Variants in ASPHD1 observed in about 807,000 individuals in gnomAD.
ASPHD1 encodes aspartate beta-hydroxylase domain containing 1, also known as aspartate beta-hydroxylase domain-containing protein 1.
A neutral mutation model predicts 28.3 loss-of-function variants in ASPHD1; 20 were observed. The observed-to-expected ratio is 0.71, with a 90% CI of 0.50 to 1.03. The LOEUF is 1.03. Ranked by LOEUF, ASPHD1 falls within the 50% of genes least tolerant of loss-of-function variation. ASPHD1 has a pLI of 0.00. For missense variants in ASPHD1, 479 were observed against 524.1 expected, an observed-to-expected ratio of 0.91 and a Z score of 0.84; for synonymous variants, 240 against 221.2, an observed-to-expected ratio of 1.08 and a Z score of -0.75.
chr16:29,909,029 T>C (rs1257145194), downstream of ASPHD1, among the ~76,000 whole-genome samples: 1 of 150,732 alleles, frequency 6.6e-6, no homozygotes, highest in Non-Finnish European at 1.5e-5. Context: ...TCAGAGGATG[T>C]TTCTTGGAAG....
Position 29,901,784 on chromosome 16 carries a change from C to G in ASPHD1, c.813C>G (p.Ala271=), listed in dbSNP as rs1360695394. The part of the protein sequence containing the change: ...QPSNCRRCPG[A]YRALRGLRSF... Reference sequence around the variant, plus strand: ...GCAACTGCCGCCGGTGCCCGGGGGCCTATCGGGCACTGAGGGGGCTTCGAA... The same window carrying G: ...GCAACTGCCGCCGGTGCCCGGGGGCGTATCGGGCACTGAGGGGGCTTCGAA... The change falls in exon 1 of 3, where the codon GCC becomes GCG. Residue 271 remains alanine (A), a synonymous_variant. Coordinates refer to ENST00000308748, the MANE Select transcript of ASPHD1 (RefSeq NM_181718.4). The surrounding 1 kb of genome is among the most constrained non-coding windows in gnomAD (Gnocchi z 5.1). The G allele has an allele frequency of 6.4e-7, 1 of 1,557,658 alleles. No individual in the cohort carries two copies. Among genetic ancestry groups the G allele is most frequent in the African/African-American group, 1.4e-5 (1 of 72,746 alleles).
intron 3 of ASPHD1, among the ~76,000 whole-genome samples, chr16:29,912,696 T>C (rs1235810777): frequency 1.3e-5 from 2 of 152,220 alleles, no homozygotes; most frequent in African/African-American, 4.8e-5. Flanking sequence ...CGCCTCAGCC[T>C]CCCAAAGTGC....
At chr16:29,908,385 T>A (rs969048198), downstream of ASPHD1, among the ~76,000 whole-genome samples, 3 of 152,120 alleles carry the variant, frequency 2.0e-5, no homozygotes, top group Admixed American at 6.5e-5. Context: ...TTTTTATTTT[T>A]ATTTTTTATT....
At position 29,905,945 on chromosome 16, in the gene ASPHD1, A is replaced by C; in HGVS notation, c.*48A>C. ...CCCAGGCTGGAGAGACACTGCGCTC[A>C]GGGACGGCTTGATGGTAGCCAGGAC... On this transcript the variant is annotated 3_prime_UTR_variant, in exon 3 of 3. Transcript: ENST00000308748. 1 of 1,171,610 alleles carries C rather than the reference A, an allele frequency of 8.5e-7. No individual in the cohort carries two copies. Among genetic ancestry groups the C allele is most frequent in the Middle Eastern group, 2.3e-4 (1 of 4,332 alleles). 72.6% of individuals were successfully genotyped at this position (1,171,610 alleles called of 1,614,324 possible).
chr16:29,909,168 C>T (rs981279003), downstream of ASPHD1, among the ~76,000 whole-genome samples: 10 of 152,144 alleles, frequency 6.6e-5, no homozygotes, highest in Non-Finnish European at 1.2e-4. Flanking sequence ...ACTAACACCT[C>T]GCTGCTGATG....
At chr16:29,908,764 GT>G (rs2068656238), downstream of ASPHD1, among the ~76,000 whole-genome samples, 1 of 150,954 alleles carries the variant, frequency 6.6e-6, no homozygotes, top group Non-Finnish European at 1.5e-5. Context: ...GTGCAGTGGT[GT>G]GATCATGTAT....
chr16:29,907,182 C>G, downstream of ASPHD1: 5 of 1,034,942 alleles, frequency 4.8e-6, no homozygotes, highest in Non-Finnish European at 7.2e-6. Flanking sequence ...GCCTAGGGCC[C>G]CTGCACCAAC....
intron 1 of ASPHD1, among the ~76,000 whole-genome samples, chr16:29,904,164 G>A (rs2068578891): frequency 1.3e-5 from 2 of 150,172 alleles, no homozygotes; most frequent in African/African-American, 5.0e-5. Context: ...TAACGGGTCT[G>A]GCCAGGTGCA....
chr16:29,911,668 G>T, intron 3 of ASPHD1: 1 of 754,580 alleles, frequency 1.3e-6, no homozygotes, highest in Non-Finnish European at 2.2e-6. Flanking sequence ...TGCCTAGAGC[G>T]TCAGGGGTAA....
In ASPHD1 at chr16:29,901,182, T is replaced by G. The variant is rs2068539976; in HGVS notation, c.211T>G (p.Trp71Gly). 1 of 1,613,328 alleles carries G rather than the reference T, an allele frequency of 6.2e-7. No homozygotes were observed. The highest frequency in any genetic ancestry group is 1.3e-5 in the African/African-American group (1 of 74,878). ...CAGGGCCTCCCTGATCATGCTCCCG[T>G]GGCCACTACCCCTGGCCTCCTCGGC... ...LARASLIMLP[W>G]PLPLASSALT... Residue 71 changes from tryptophan to glycine, a missense_variant, in exon 1 of 3, where the codon TGG becomes GGG. Physicochemically the swap from Trp to Gly is radical, Grantham distance 184 (BLOSUM62 -2). Coordinates refer to ENST00000308748, the MANE Select transcript of ASPHD1 (RefSeq NM_181718.4). The surrounding 1 kb of genome is among the most constrained non-coding windows in gnomAD (Gnocchi z 5.1).
rs762641417 is a variant in ASPHD1, at chr16:29,901,411, G to A, written c.440G>A (p.Ser147Asn). ...GGACCTAGGACGGAAGGCCTAGTGA[G>A]CCGGCGGCTTCGGGCCTACGCAAGG... ...GEGPRTEGLV[S>N]RRLRAYARRY... is the part of the protein sequence containing the mutation. The change falls in exon 1 of 3, where the codon AGC becomes AAC. Residue 147 changes from serine (S) to asparagine (N), a missense_variant. Ser to Asn is a conservative substitution (Grantham distance 46). Coordinates refer to ENST00000308748, the MANE Select transcript of ASPHD1 (RefSeq NM_181718.4). The surrounding 1 kb of genome is among the most constrained non-coding windows in gnomAD (Gnocchi z 5.1). The A allele has an allele frequency of 1.3e-5, 21 of 1,590,962 alleles. No homozygotes were observed. The East Asian group carries it at 4.5e-4, about 34-fold the overall frequency.
intron 3 of ASPHD1, chr16:29,912,228 C>T: frequency 1.6e-6 from 1 of 629,768 alleles, no homozygotes; most frequent in Non-Finnish European, 2.8e-6. Flanking sequence ...GGGCCTTGGT[C>T]CCACGGACAC....
rs2068533887 is a variant in ASPHD1 at position 29,900,980 on chromosome 16, G to A, written c.9G>A (p.Glu3=). The change falls in exon 1 of 3, where the codon GAG becomes GAA. Residue 3 remains glutamate, a synonymous_variant. Transcript: ENST00000308748. MK[E]GRGSFSVERG... ...AGGAGGGTTGGAGGTGCATGAAGGA[G>A]GGGAGAGGGAGCTTCAGCGTGGAGA... 6.4e-7 allele frequency: 1 copy of A among 1,554,578 alleles called. No homozygotes were observed.
downstream of ASPHD1, chr16:29,907,166 C>T: frequency 8.0e-7 from 1 of 1,257,834 alleles, no homozygotes; most frequent in South Asian, 1.3e-5. Context: ...GCAGGGCCAT[C>T]CCCCTGCCTA....
intron 1 of ASPHD1, among the ~76,000 whole-genome samples, chr16:29,903,908 C>G (rs745795086): frequency 6.6e-6 from 1 of 152,088 alleles, no homozygotes; most frequent in Non-Finnish European, 1.5e-5. Flanking sequence ...AATCTTATAC[C>G]TCTCAGTGAG....
intron 1 of ASPHD1, among the ~76,000 whole-genome samples, chr16:29,904,009 G>A (rs533993257): frequency 8.5e-5 from 13 of 152,056 alleles, no homozygotes; most frequent in African/African-American, 3.1e-4. Context: ...CTCTTTTCTC[G>A]AAATGAGAGG....
At chr16:29,907,027 G>A, downstream of ASPHD1, 1 of 1,614,178 alleles carries the variant, frequency 6.2e-7, no homozygotes, top group Non-Finnish European at 8.5e-7. Context: ...GCCTCCAGGA[G>A]GGCTGGGTCT....
intron 1 of ASPHD1, among the ~76,000 whole-genome samples, chr16:29,903,467 C>T (rs1319782278): frequency 1.3e-5 from 2 of 151,922 alleles, no homozygotes; most frequent in East Asian, 2.0e-4. Flanking sequence ...CGTGAGCCAC[C>T]GCACCTGGCA....
rs1301069613 is a variant in ASPHD1 at position 29,905,952 on chromosome 16, G to A, written c.*55G>A. ...TGGAGAGACACTGCGCTCAGGGACG[G>A]CTTGATGGTAGCCAGGACCTCCTCT... is the stretch of plus-strand genomic sequence containing the variant. On this transcript the variant is annotated 3_prime_UTR_variant, in exon 3 of 3. Coordinates refer to ENST00000308748, the MANE Select transcript of ASPHD1 (RefSeq NM_181718.4). 7.8e-6 allele frequency: 11 copies of A among 1,406,902 alleles called. No individual in the cohort carries two copies. Among genetic ancestry groups the A allele is most frequent in the Non-Finnish European group, 1.1e-5 (11 of 1,010,476 alleles). The allele number at this position is 1,406,902 out of a possible 1,614,324, so 87.2% of individuals were successfully genotyped here. A position where few individuals can be genotyped will look rare whatever the true frequency, so the allele number is the denominator to read the frequency against.
Sources: allele counts gnomAD v4.1 joint callset (sites outside exome capture counted in the v4.1 genomes callset), GRCh38; gene constraint gnomAD v4.1.1; non-coding constraint Gnocchi (gnomAD v3.1); transcripts MANE v1.5; gene names NCBI Gene and HGNC (gene_info 2026-07-23, HGNC 2026-07-21).